TNFSF4: variants seen among roughly 807,000 people sequenced by gnomAD.
TNFSF4 encodes the protein TNF superfamily member 4, also known as tumor necrosis factor ligand superfamily member 4.
Under a neutral mutation model 7.3 loss-of-function variants are expected in TNFSF4, and 4 were observed. The observed-to-expected ratio is 0.55, with a 90% CI of 0.27 to 1.25. TNFSF4 has a LOEUF of 1.25. TNFSF4 is among the 50% of genes most tolerant of loss of function. The pLI, the probability that TNFSF4 is intolerant of heterozygous loss-of-function variation, is 0.12. For missense variants in TNFSF4, 181 were observed against 208.8 expected (o/e 0.87, Z 0.82); for synonymous variants, 76 against 83.7 (o/e 0.91, Z 0.50).
At chr1:173,299,671 A>G in the TNFSF4 span, among the ~76,000 whole-genome samples, 5 of 151,958 alleles carry the variant, frequency 3.3e-5, 1 homozygote, top group Admixed American at 3.3e-4. Flanking sequence ...TTAAGGCTTT[A>G]TATGGCTTTA....
the TNFSF4 span, among the ~76,000 whole-genome samples, chr1:173,243,008 G>C: frequency 5.1e-5 from 6 of 117,230 alleles, no homozygotes; most frequent in Admixed American, 1.7e-4. Context: ...GGTGGGTGGG[G>C]GGGGGGGGGG....
the TNFSF4 span, among the ~76,000 whole-genome samples, chr1:173,344,884 A>C: frequency 6.6e-6 from 1 of 152,206 alleles, no homozygotes; most frequent in Non-Finnish European, 1.5e-5. Context: ...CCATTGAATC[A>C]TTGGCAAAGT....
the TNFSF4 span, among the ~76,000 whole-genome samples, chr1:173,234,859 G>C: frequency 6.6e-6 from 1 of 151,994 alleles, no homozygotes; most frequent in Non-Finnish European, 1.5e-5. Context: ...CGAGTTAATG[G>C]GTGCAGCACA....
chr1:173,354,642 T>C, the TNFSF4 span, among the ~76,000 whole-genome samples: 1 of 152,238 alleles, frequency 6.6e-6, no homozygotes, highest in Non-Finnish European at 1.5e-5. Context: ...TAATTCTGAG[T>C]TGGCAGAGGT....
chr1:173,415,406 T>C, the TNFSF4 span, among the ~76,000 whole-genome samples: 13 of 152,052 alleles, frequency 8.5e-5, no homozygotes, highest in Non-Finnish European at 1.9e-4. Context: ...GAATGGACAG[T>C]GGGATGAGCC....
the TNFSF4 span, among the ~76,000 whole-genome samples, chr1:173,313,102 G>T: frequency 6.6e-6 from 1 of 152,012 alleles, no homozygotes; most frequent in Non-Finnish European, 1.5e-5. Context: ...CTACTAAATA[G>T]TTGAAAATTC....
chr1:173,369,680 T>C, the TNFSF4 span, among the ~76,000 whole-genome samples: 1 of 151,938 alleles, frequency 6.6e-6, no homozygotes, highest in Non-Finnish European at 1.5e-5. Flanking sequence ...GAAAAAGAAG[T>C]GGCTTATTTT....
intron 2 of TNFSF4, among the ~76,000 whole-genome samples, chr1:173,188,118 C>T (rs561146190): frequency 3.4e-4 from 52 of 152,278 alleles, no homozygotes; most frequent in African/African-American, 1.3e-3. Context: ...TCAAGGGCTT[C>T]CCCCAACTTT....
chr1:173,343,666 A>G, the TNFSF4 span, among the ~76,000 whole-genome samples: 2 of 152,198 alleles, frequency 1.3e-5, no homozygotes, highest in Non-Finnish European at 2.9e-5. Context: ...CTCTCATGGC[A>G]TTCTAAACAA....
the TNFSF4 span, among the ~76,000 whole-genome samples, chr1:173,351,177 A>G: frequency 2.0e-5 from 3 of 152,196 alleles, no homozygotes; most frequent in Non-Finnish European, 2.9e-5. Flanking sequence ...CCTGCCAGTT[A>G]CACTGAATTT....
the TNFSF4 span, among the ~76,000 whole-genome samples, chr1:173,403,977 AGAGT>A: frequency 6.6e-6 from 1 of 152,172 alleles, no homozygotes; most frequent in African/African-American, 2.4e-5. Flanking sequence ...GAAATATAAA[AGAGT>A]AAGAAATGAT....
At chr1:173,422,887 G>C in the TNFSF4 span, among the ~76,000 whole-genome samples, 1 of 152,144 alleles carries the variant, frequency 6.6e-6, no homozygotes, top group African/African-American at 2.4e-5. Context: ...CCAGATGAGA[G>C]AGTTGATGTC....
At chr1:173,308,519 C>T in the TNFSF4 span, among the ~76,000 whole-genome samples, 1 of 151,686 alleles carries the variant, frequency 6.6e-6, no homozygotes. Context: ...TAAAAAAAAT[C>T]CTATTTTTTG....
chr1:173,377,182 C>A, the TNFSF4 span, among the ~76,000 whole-genome samples: 3 of 152,168 alleles, frequency 2.0e-5, no homozygotes, highest in Non-Finnish European at 4.4e-5. Context: ...ATTTTGGCAA[C>A]CACAAATGTA....
chr1:173,342,884 A>G, the TNFSF4 span, among the ~76,000 whole-genome samples: 1 of 152,238 alleles, frequency 6.6e-6, no homozygotes, highest in Non-Finnish European at 1.5e-5. Flanking sequence ...AAGCAACATT[A>G]TCTAGAAGGG....
chr1:173,417,473 T>A, the TNFSF4 span, among the ~76,000 whole-genome samples: 1 of 151,988 alleles, frequency 6.6e-6, no homozygotes, highest in East Asian at 1.9e-4. Context: ...GAGATCAATT[T>A]TGTTTAGGAA....
the TNFSF4 span, among the ~76,000 whole-genome samples, chr1:173,407,677 T>C: frequency 2.0e-5 from 3 of 149,822 alleles, no homozygotes; most frequent in Non-Finnish European, 4.4e-5. Context: ...TCCTGTAATA[T>C]ACAGATATAA....
chr1:173,261,474 G>A, the TNFSF4 span, among the ~76,000 whole-genome samples: 1 of 151,902 alleles, frequency 6.6e-6, no homozygotes, highest in Middle Eastern at 3.2e-3. Flanking sequence ...AAATAACCAA[G>A]ATCAGAGTGA....
At chr1:173,211,667 C>T (rs181044421), upstream of TNFSF4, among the ~76,000 whole-genome samples, 168 of 152,306 alleles carry the variant, frequency 1.1e-3, 2 homozygotes, top group Non-Finnish European at 1.7e-3. Flanking sequence ...AAACCCTACA[C>T]GTTACACATT....
Sources: gnomAD v4.1 joint callset for allele counts (sites outside exome capture counted in the v4.1 genomes callset) on GRCh38, gnomAD v4.1.1 for gene constraint, MANE v1.5 for transcripts, NCBI Gene and HGNC (gene_info 2026-07-23, HGNC 2026-07-21) for gene names.